Variants in HHIPL1 observed in about 807,000 individuals in gnomAD.
The protein encoded by HHIPL1 is HHIP like 1, also known as HHIP-like protein 1.
Under a neutral mutation model 61.8 loss-of-function variants are expected in HHIPL1, and 43 were observed. The observed-to-expected ratio is 0.70, with a 90% CI of 0.55 to 0.90. The LOEUF is 0.90. Among genes scored for constraint, HHIPL1 ranks in the 40% least tolerant of loss-of-function variants. The pLI is 0.00. For synonymous variants in HHIPL1, 482 were observed against 515.8 expected, an observed-to-expected ratio of 0.93 and a Z score of 0.89; for missense variants, 1,056 against 1,157.7, an observed-to-expected ratio of 0.91 and a Z score of 1.28.
At chr14:99,658,758 C>G (rs1189603465) in intron 3 of HHIPL1, among the ~76,000 whole-genome samples, 2 of 152,066 alleles carry the variant, frequency 1.3e-5, no homozygotes, top group African/African-American at 4.8e-5. Context: ...TGCTCTCTCC[C>G]CCTCTCCCCA....
the HHIPL1 span, among the ~76,000 whole-genome samples, chr14:99,629,569 C>T: frequency 1.4e-4 from 22 of 152,134 alleles, no homozygotes; most frequent in African/African-American, 4.8e-4. Context: ...ACAATCTTGG[C>T]TCACTGCAAC....
chr14:99,623,582 T>A, the HHIPL1 span, among the ~76,000 whole-genome samples: 1 of 152,194 alleles, frequency 6.6e-6, no homozygotes, highest in African/African-American at 2.4e-5. Context: ...CCTGGCTGAT[T>A]TTTTTGTTTC....
chr14:99,637,698 CT>C, the HHIPL1 span, among the ~76,000 whole-genome samples: 1 of 152,202 alleles, frequency 6.6e-6, no homozygotes, highest in Non-Finnish European at 1.5e-5. Context: ...AGAATGTTCC[CT>C]GAGCAGAGGA....
the HHIPL1 span, among the ~76,000 whole-genome samples, chr14:99,638,355 A>T: frequency 1.3e-5 from 2 of 152,034 alleles, 1 homozygote; most frequent in East Asian, 3.9e-4. Context: ...CCTGTCGGGG[A>T]AGAGGCTGCC....
At chr14:99,640,877 C>CTTTTTTTTTT, upstream of HHIPL1, among the ~76,000 whole-genome samples, 194 of 69,852 alleles carry the variant, frequency 2.8e-3, 14 homozygotes, top group Non-Finnish European at 4.0e-3. Context: ...ACTTCTTCTT[C>CTTTTTTTTTT]TTTTTTTTTT....
rs972492846 is a variant in HHIPL1, at chr14:99,677,396, GC to G, written c.*1771del. ...AAGCAGCTGATGGAGATCCCTGGGG[GC>G]TCCTCTTGCCTGGCAGGTGCCCCCG... On this transcript the variant is annotated 3_prime_UTR_variant, in exon 9 of 9. Transcript: ENST00000330710. The surrounding 1 kb of genome is among the most constrained non-coding windows in gnomAD (Gnocchi z 4.3). 2 of 152,314 alleles carry G rather than the reference GC, an allele frequency of 1.3e-5. No individual in the cohort carries two copies. Among genetic ancestry groups the G allele is most frequent in the Non-Finnish European group, 2.9e-5 (2 of 68,110 alleles). 9.4% of individuals were successfully genotyped at this position (152,314 alleles called of 1,614,324 possible).
At chr14:99,632,872 G>GGTGT in the HHIPL1 span, among the ~76,000 whole-genome samples, 3 of 148,402 alleles carry the variant, frequency 2.0e-5, no homozygotes, top group Non-Finnish European at 4.5e-5. Context: ...TGGATAAATT[G>GGTGT]GTGTGTGTGT....
chr14:99,656,912 A>G (rs1454479175), intron 2 of HHIPL1, 88 bp from the exon 3 acceptor site: 1 of 872,390 alleles, frequency 1.1e-6, no homozygotes, highest in African/African-American at 1.8e-5. Flanking sequence ...TCCATTGTGA[A>G]ATGACATCCA....
upstream of HHIPL1, among the ~76,000 whole-genome samples, chr14:99,640,812 C>T (rs1440634504): frequency 6.6e-6 from 1 of 151,318 alleles, no homozygotes; most frequent in Non-Finnish European, 1.5e-5. Flanking sequence ...TATAACCATC[C>T]AGTACGTTGA....
At chr14:99,672,169 A>G in intron 7 of HHIPL1, 148 bp from the exon 8 acceptor site, 1 of 636,838 alleles carries the variant, frequency 1.6e-6, no homozygotes, top group Non-Finnish European at 2.9e-6. Context: ...TGGAGTGGGC[A>G]GGGAAGCTGC....
rs1339704479 is a variant in HHIPL1, at chr14:99,675,515, G to A, written c.2238G>A (p.Ala746=). The A allele has an allele frequency of 1.3e-6, 2 of 1,542,704 alleles. No individual in the cohort carries two copies. Among genetic ancestry groups the A allele is most frequent in the Non-Finnish European group, 1.7e-6 (2 of 1,146,502 alleles). ...LPILLDDVRC[A]GWERNLLECQ... Reference sequence around the variant, plus strand: ...TTCTGCTGGACGATGTGCGCTGCGCGGGCTGGGAGCGGAACCTGCTGGAGT... The same window carrying A: ...TTCTGCTGGACGATGTGCGCTGCGCAGGCTGGGAGCGGAACCTGCTGGAGT... The change falls in exon 9 of 9, where the codon GCG becomes GCA. Residue 746 remains alanine, a synonymous_variant. Transcript: ENST00000330710. The surrounding 1 kb of genome is among the most constrained non-coding windows in gnomAD (Gnocchi z 5.4).
At chr14:99,613,373 T>C in the HHIPL1 span, among the ~76,000 whole-genome samples, 1 of 151,918 alleles carries the variant, frequency 6.6e-6, no homozygotes, top group Admixed American at 6.5e-5. Flanking sequence ...TCACCCAGGC[T>C]GGAGTGCAGT....
chr14:99,664,865 C>T (rs2056216339), intron 6 of HHIPL1, among the ~76,000 whole-genome samples: 1 of 152,002 alleles, frequency 6.6e-6, no homozygotes, highest in African/African-American at 2.4e-5. Flanking sequence ...ACACAGGAGC[C>T]CTTGGAATGA....
chr14:99,653,884 C>G (rs1375188050), intron 2 of HHIPL1, among the ~76,000 whole-genome samples: 1 of 152,176 alleles, frequency 6.6e-6, no homozygotes, highest in Non-Finnish European at 1.5e-5. Flanking sequence ...GTCAGTTACT[C>G]ATGTGTTAGA....
intron 1 of HHIPL1, among the ~76,000 whole-genome samples, chr14:99,648,599 G>A (rs146919022): frequency 4.5e-4 from 68 of 152,342 alleles, no homozygotes; most frequent in Admixed American, 2.5e-3. Flanking sequence ...AGTGACTGCT[G>A]TAGAGAACTC....
At chr14:99,634,830 G>A in the HHIPL1 span, among the ~76,000 whole-genome samples, 1 of 152,196 alleles carries the variant, frequency 6.6e-6, no homozygotes, top group African/African-American at 2.4e-5. Flanking sequence ...TCCGCAGCGG[G>A]AGTGCTGTTG....
At chr14:99,654,132 T>C (rs2055986045) in intron 2 of HHIPL1, among the ~76,000 whole-genome samples, 1 of 134,820 alleles carries the variant, frequency 7.4e-6, no homozygotes, top group African/African-American at 2.8e-5. Flanking sequence ...GAGGTTGCAG[T>C]GAACCAAGAT....
At chr14:99,647,241 G>T (rs573985460) in intron 1 of HHIPL1, among the ~76,000 whole-genome samples, 1 of 152,196 alleles carries the variant, frequency 6.6e-6, no homozygotes, top group Non-Finnish European at 1.5e-5. Context: ...ACCTTTAGGT[G>T]GGCTCTGCTG....
At chr14:99,629,412 G>T in the HHIPL1 span, among the ~76,000 whole-genome samples, 2 of 152,210 alleles carry the variant, frequency 1.3e-5, no homozygotes, top group Admixed American at 6.5e-5. Context: ...CTGGCATCAC[G>T]CAGGGTTTTC....
Sources: allele counts gnomAD v4.1 joint callset (sites outside exome capture counted in the v4.1 genomes callset), GRCh38; gene constraint gnomAD v4.1.1; non-coding constraint Gnocchi (gnomAD v3.1); transcripts MANE v1.5; gene names NCBI Gene and HGNC (gene_info 2026-07-23, HGNC 2026-07-21).